DIAPH3: variants seen among roughly 807,000 people sequenced by gnomAD.
DIAPH3 encodes diaphanous related formin 3, also known as protein diaphanous homolog 3.
In DIAPH3, 117 loss-of-function variants were observed where a neutral mutation model predicts 144.3. That is an observed-to-expected ratio of 0.81 (90% CI 0.70 to 0.95). DIAPH3 has a LOEUF of 0.95. DIAPH3 is among the 40% of genes least tolerant of loss of function. DIAPH3 has a pLI of 0.00. For synonymous variants in DIAPH3, 519 were observed against 488.9 expected (o/e 1.06, Z -0.81); for missense variants, 1,421 against 1,412.7 (o/e 1.01, Z -0.09).
intron 27 of DIAPH3, among the ~76,000 whole-genome samples, chr13:59,771,079 A>G (rs2038092786): frequency 6.6e-6 from 1 of 152,092 alleles, no homozygotes; most frequent in Non-Finnish European, 1.5e-5. Context: ...TCAGTTTGCT[A>G]AAATACATAT....
At chr13:59,694,071 C>T (rs1185189239) in intron 27 of DIAPH3, among the ~76,000 whole-genome samples, 4 of 152,046 alleles carry the variant, frequency 2.6e-5, no homozygotes, top group African/African-American at 9.7e-5. Context: ...ATTTGTCTAC[C>T]ATTATAAGAA....
intron 27 of DIAPH3, among the ~76,000 whole-genome samples, chr13:59,713,803 A>C (rs1293586881): frequency 6.6e-6 from 1 of 152,216 alleles, no homozygotes; most frequent in Non-Finnish European, 1.5e-5. Flanking sequence ...GGCCTGTCCC[A>C]AGATCCATAT....
intron 1 of DIAPH3, among the ~76,000 whole-genome samples, chr13:60,147,575 C>G (rs1448778695): frequency 6.6e-6 from 1 of 152,154 alleles, no homozygotes; most frequent in Non-Finnish European, 1.5e-5. Flanking sequence ...AGATTTGCTT[C>G]AAGCATGCAC....
chr13:60,073,488 T>C (rs1347329233), intron 4 of DIAPH3, among the ~76,000 whole-genome samples: 1 of 152,180 alleles, frequency 6.6e-6, no homozygotes, highest in African/African-American at 2.4e-5. Context: ...AATCCGTTTA[T>C]GTAACATTAA....
At chr13:60,095,667 C>T (rs1176139960) in intron 3 of DIAPH3, among the ~76,000 whole-genome samples, 1 of 151,654 alleles carries the variant, frequency 6.6e-6, no homozygotes, top group South Asian at 2.1e-4. Context: ...TTTTGATCAG[C>T]AGGGTTGTGA....
chr13:60,059,082 T>C (rs2141282986), intron 4 of DIAPH3, among the ~76,000 whole-genome samples: 2 of 151,970 alleles, frequency 1.3e-5, no homozygotes, highest in South Asian at 4.2e-4. Flanking sequence ...AAAGTATGAC[T>C]TACATGTTCT....
intron 3 of DIAPH3, among the ~76,000 whole-genome samples, chr13:60,097,969 A>G (rs2058155859): frequency 6.6e-6 from 1 of 152,116 alleles, no homozygotes; most frequent in South Asian, 2.1e-4. Context: ...TAGAAAATTT[A>G]TTGGGAGCTT....
intron 5 of DIAPH3, among the ~76,000 whole-genome samples, chr13:60,038,944 A>G (rs2055432501): frequency 3.3e-5 from 5 of 152,124 alleles, no homozygotes; most frequent in Admixed American, 3.3e-4. Context: ...CCATAATTCA[A>G]ACATAATTAT....
intron 11 of DIAPH3, 82 bp from the exon 12 acceptor site, chr13:59,991,356 G>C (rs2051797653): frequency 9.8e-7 from 1 of 1,017,888 alleles, no homozygotes; most frequent in Admixed American, 1.7e-5. Flanking sequence ...TGTCCTGTAA[G>C]GTTTTGGAAC....
chr13:59,733,408 T>G (rs1382068320), intron 27 of DIAPH3, among the ~76,000 whole-genome samples: 1 of 152,044 alleles, frequency 6.6e-6, no homozygotes, highest in African/African-American at 2.4e-5. Context: ...GAAAAGAAAA[T>G]GAAAGGTGCT....
intron 21 of DIAPH3, among the ~76,000 whole-genome samples, chr13:59,870,907 T>C (rs557016249): frequency 6.6e-6 from 1 of 151,870 alleles, no homozygotes; most frequent in Admixed American, 6.6e-5. Flanking sequence ...CGACCTCAGG[T>C]GATCTGCCCG....
At chr13:59,861,579 T>C in intron 21 of DIAPH3, 43 bp from the exon 22 acceptor site, 1 of 1,573,246 alleles carries the variant, frequency 6.4e-7, no homozygotes, top group South Asian at 1.1e-5. Context: ...GTCATAAGTA[T>C]GTTGATATTC....
At chr13:59,750,637 C>A (rs1226851358) in intron 27 of DIAPH3, among the ~76,000 whole-genome samples, 4 of 152,108 alleles carry the variant, frequency 2.6e-5, no homozygotes, top group Admixed American at 6.5e-5. Flanking sequence ...AGGGAGTTAC[C>A]AGTACAAACT....
intron 22 of DIAPH3, among the ~76,000 whole-genome samples, chr13:59,844,895 T>G (rs1026836221): frequency 9.2e-5 from 14 of 152,186 alleles, no homozygotes; most frequent in Non-Finnish European, 1.9e-4. Context: ...GCTAGAAACC[T>G]GCTGGTCTTG....
intron 1 of DIAPH3, among the ~76,000 whole-genome samples, chr13:60,139,406 T>A (rs1345176362): frequency 6.6e-6 from 1 of 152,190 alleles, no homozygotes; most frequent in East Asian, 1.9e-4. Context: ...ACTGCAATTC[T>A]GCCAACCTCA....
chr13:59,686,030 T>C (rs916006121), intron 27 of DIAPH3, among the ~76,000 whole-genome samples: 1 of 152,156 alleles, frequency 6.6e-6, no homozygotes, highest in African/African-American at 2.4e-5. Flanking sequence ...CATGTGACTC[T>C]GTGTATTTAG....
chr13:60,044,186 T>G (rs2055898087), intron 4 of DIAPH3: 1 of 152,196 alleles, frequency 6.6e-6, no homozygotes, highest in Non-Finnish European at 1.5e-5. Context: ...TTATATTATT[T>G]GAATTACAGA....
At chr13:59,847,125 T>A (rs2042685431) in intron 22 of DIAPH3, among the ~76,000 whole-genome samples, 1 of 152,202 alleles carries the variant, frequency 6.6e-6, no homozygotes, top group South Asian at 2.1e-4. Context: ...CAGCCAGTCA[T>A]CCTCATCAAG....
intron 5 of DIAPH3, among the ~76,000 whole-genome samples, chr13:60,017,510 T>C (rs897185093): frequency 6.6e-6 from 1 of 151,972 alleles, no homozygotes; most frequent in African/African-American, 2.4e-5. Context: ...TTTCTTAAGA[T>C]ACAACATTTC....
Sources: gnomAD v4.1 joint callset for allele counts (sites outside exome capture counted in the v4.1 genomes callset) on GRCh38, gnomAD v4.1.1 for gene constraint, MANE v1.5 for transcripts, NCBI Gene and HGNC (gene_info 2026-07-23, HGNC 2026-07-21) for gene names.